The following EFCAB10 variants were observed in gnomAD, a reference collection of about 807,000 sequenced individuals.
The protein encoded by EFCAB10 is EF-hand calcium binding domain 10.
In EFCAB10, 7 loss-of-function variants were observed where a neutral mutation model predicts 7.7. That is an observed-to-expected ratio of 0.91 (90% CI 0.52 to 1.72). EFCAB10 has a LOEUF of 1.72. Among genes scored for constraint, EFCAB10 ranks in the 40% most tolerant of loss-of-function variants. The pLI, the probability that EFCAB10 is intolerant of heterozygous loss-of-function variation, is 0.00. For synonymous variants in EFCAB10, 52 were observed against 21.0 expected (o/e 2.47, Z -4.03); for missense variants, 112 against 61.5 (o/e 1.82, Z -2.74).
intron 1 of EFCAB10, among the ~76,000 whole-genome samples, chr7:105,574,155 T>C: frequency 7.2e-6 from 1 of 138,020 alleles, no homozygotes; most frequent in Admixed American, 7.8e-5. Context: ...TACACATACA[T>C]ATATATACAC....
intron 1 of EFCAB10, chr7:105,572,236 C>T (rs1791970339): frequency 6.6e-6 from 1 of 152,144 alleles, no homozygotes; most frequent in South Asian, 2.1e-4. Context: ...TCTTGAGCAT[C>T]ATTTAACTCT....
rs764854638 is a variant in EFCAB10, at chr7:105,565,315, T to G, written c.*132A>C. The G allele has an allele frequency of 6.2e-7, 1 of 1,613,754 alleles. No individual in the cohort carries two copies. The highest frequency in any genetic ancestry group is 8.5e-7 in the Non-Finnish European group (1 of 1,179,630). On this transcript the variant is annotated 3_prime_UTR_variant, in exon 5 of 5. Coordinates refer to ENST00000480514, the MANE Select transcript of EFCAB10 (RefSeq NM_001355526.2). ...CCATCTCAGTCAGAGCAGGCAGTGA[T>G]GTCCCTGTCCAGTTCGGCTTGCCCG...
rs370890616 is a variant in EFCAB10, at chr7:105,565,513, A to G, written c.*-66T>C. The G allele has an allele frequency of 7.6e-5, 123 of 1,611,564 alleles. No individual in the cohort carries two copies. In the African/African-American group the frequency reaches 1.5e-3, roughly 19 times the overall value. On this transcript the variant is annotated intron_variant, in intron 4 of 4. Transcript: ENST00000480514. ...GATAATAAAGACAACTGTTATATGA[A>G]TTATTCTTTGTTTCAGATAATTCTT...
chr7:105,574,038 C>G (rs1050846494), intron 1 of EFCAB10, among the ~76,000 whole-genome samples: 1 of 151,886 alleles, frequency 6.6e-6, no homozygotes, highest in Admixed American at 6.6e-5. Context: ...CATATTCCCT[C>G]TTTATACAGC....
At chr7:105,575,013 G>A (rs1045522693) in intron 1 of EFCAB10, among the ~76,000 whole-genome samples, 3 of 151,212 alleles carry the variant, frequency 2.0e-5, no homozygotes, top group Non-Finnish European at 2.9e-5. Flanking sequence ...TACTCAGGAG[G>A]CTGAGGCAGG....
chr7:105,573,977 G>A (rs1487498740), intron 1 of EFCAB10, among the ~76,000 whole-genome samples: 1 of 151,936 alleles, frequency 6.6e-6, no homozygotes, highest in African/African-American at 2.4e-5. Flanking sequence ...TCTCATTTGG[G>A]TTACTATTAA....
intron 1 of EFCAB10, among the ~76,000 whole-genome samples, chr7:105,574,257 A>G (rs1359635627): frequency 6.6e-6 from 1 of 150,690 alleles, no homozygotes; most frequent in South Asian, 2.1e-4. Context: ...ATATATATAT[A>G]TATATACATA....
At position 105,581,471 on chromosome 7, in the gene EFCAB10, C is replaced by T; in HGVS notation, c.-8G>A. ...CCTGCTGCTGGTCTCCATCGCTCCG[C>T]GTCCCGCTGTTGCTAGGCGACTGCC... On this transcript the variant is annotated 5_prime_UTR_variant, in exon 1 of 5. Coordinates refer to ENST00000480514, the MANE Select transcript of EFCAB10 (RefSeq NM_001355526.2). 1.4e-6 allele frequency: 1 copy of T among 703,056 alleles called. No individual in the cohort carries two copies. The highest frequency in any genetic ancestry group is 2.6e-6 in the Non-Finnish European group (1 of 384,926). 43.6% of individuals were successfully genotyped at this position (703,056 alleles called of 1,614,324 possible).
Position 105,565,317 on chromosome 7 carries a change from T to A in EFCAB10, c.*130A>T. 1.2e-6 allele frequency: 2 copies of A among 1,614,210 alleles called. No homozygotes were observed. Among genetic ancestry groups the A allele is most frequent in the Non-Finnish European group, 1.7e-6 (2 of 1,180,002 alleles). ...ATCTCAGTCAGAGCAGGCAGTGATG[T>A]CCCTGTCCAGTTCGGCTTGCCCGTT... On this transcript the variant is annotated 3_prime_UTR_variant, in exon 5 of 5. Transcript: ENST00000480514.
intron 3 of EFCAB10, 80 bp from the exon 4 acceptor site, chr7:105,567,570 A>G: frequency 1.6e-6 from 1 of 615,562 alleles, no homozygotes; most frequent in East Asian, 2.8e-5. Context: ...TGTCTGTTGA[A>G]GACGAGCAGA....
chr7:105,570,569 C>G (rs1044609593), intron 1 of EFCAB10, among the ~76,000 whole-genome samples: 3 of 151,860 alleles, frequency 2.0e-5, no homozygotes, highest in African/African-American at 7.2e-5. Flanking sequence ...TTAAGCTTTA[C>G]TCTTACATTT....
At chr7:105,576,427 T>C (rs761458776) in intron 1 of EFCAB10, among the ~76,000 whole-genome samples, 1 of 151,262 alleles carries the variant, frequency 6.6e-6, no homozygotes, top group Non-Finnish European at 1.5e-5. Flanking sequence ...TAAAGATATT[T>C]TAAGGAATTC....
chr7:105,578,887 C>G (rs1003654719), intron 1 of EFCAB10, among the ~76,000 whole-genome samples: 23 of 152,166 alleles, frequency 1.5e-4, no homozygotes, highest in African/African-American at 5.6e-4. Context: ...ATTCTCCTGC[C>G]AGAGTCTCCC....
chr7:105,576,445 CATTATT>C (rs373395005), intron 1 of EFCAB10, among the ~76,000 whole-genome samples: 6 of 151,722 alleles, frequency 4.0e-5, no homozygotes, highest in East Asian at 1.9e-4. Context: ...TTCTCATCAT[CATTATT>C]ATTATTATTA....
intron 1 of EFCAB10, among the ~76,000 whole-genome samples, chr7:105,575,652 T>C (rs1463043164): frequency 6.6e-6 from 1 of 152,218 alleles, no homozygotes; most frequent in East Asian, 1.9e-4. Flanking sequence ...ACCTGTTTCC[T>C]CAATAGTAAT....
At chr7:105,573,911 GTTTT>G (rs1792006400) in intron 1 of EFCAB10, among the ~76,000 whole-genome samples, 1 of 152,086 alleles carries the variant, frequency 6.6e-6, no homozygotes, top group Non-Finnish European at 1.5e-5. Flanking sequence ...TCTCCATTGA[GTTTT>G]TTCTCAATAG....
chr7:105,568,316 ACT>A (rs1791844290), intron 3 of EFCAB10, among the ~76,000 whole-genome samples: 1 of 152,172 alleles, frequency 6.6e-6, no homozygotes, highest in Admixed American at 6.5e-5. Context: ...TCAGAGTAAA[ACT>A]CTTTAAAAAA....
chr7:105,581,225 G>A (rs1462953625), intron 1 of EFCAB10, 133 bp downstream of exon 1: 2 of 613,926 alleles, frequency 3.3e-6, no homozygotes, highest in South Asian at 1.9e-5. Flanking sequence ...ATTGAAGGCC[G>A]CAGAGTTAAT....
At chr7:105,575,605 C>A (rs1366526888) in intron 1 of EFCAB10, among the ~76,000 whole-genome samples, 1 of 152,166 alleles carries the variant, frequency 6.6e-6, no homozygotes, top group Non-Finnish European at 1.5e-5. Flanking sequence ...GTTTTTACAG[C>A]TTTCAGAATT....
Sources: allele counts gnomAD v4.1 joint callset (sites outside exome capture counted in the v4.1 genomes callset), GRCh38; gene constraint gnomAD v4.1.1; transcripts MANE v1.5; gene names NCBI Gene and HGNC (gene_info 2026-07-23, HGNC 2026-07-21).